PRKCA: variants seen among roughly 807,000 people sequenced by gnomAD.
The protein encoded by PRKCA is protein kinase C alpha type.
Under a neutral mutation model 87.0 loss-of-function variants are expected in PRKCA, and 27 were observed. The observed-to-expected ratio is 0.31, with a 90% CI of 0.23 to 0.43. The LOEUF (loss-of-function observed/expected upper bound fraction) is 0.43, where lower values mean the gene tolerates loss of function less well. Ranked by LOEUF, PRKCA falls within the 20% of genes least tolerant of loss-of-function variation. The pLI is 1.00. For synonymous variants in PRKCA, 329 were observed against 311.1 expected (o/e 1.06, Z -0.61); for missense variants, 518 against 852.3 (o/e 0.61, Z 4.88).
intron 3 of PRKCA, among the ~76,000 whole-genome samples, chr17:66,587,793 A>G (rs1288668270): frequency 7.6e-6 from 1 of 132,158 alleles, no homozygotes; most frequent in Non-Finnish European, 1.6e-5. Flanking sequence ...ATGTATACAT[A>G]TATACGTATA....
chr17:66,687,161 C>T lies in PRKCA; in HGVS notation c.580C>T (p.Pro194Ser). The T allele has an allele frequency of 6.2e-7, 1 of 1,613,576 alleles. No individual in the cohort carries two copies. Among genetic ancestry groups the T allele is most frequent in the Non-Finnish European group, 8.5e-7 (1 of 1,179,552 alleles). ...IPMDPNGLSD[P>S]YVKLKLIPDP... The stretch of plus-strand genomic sequence containing the variant: ...TATGGATCCAAACGGGCTTTCAGAT[C>T]CTTATGTGAAGCTGAAACTTATTCC... Residue 194 changes from proline to serine, a missense_variant, in exon 6 of 17, where the codon CCT becomes TCT. Transcript: ENST00000413366.
chr17:66,771,211 G>C (rs1974926942), intron 13 of PRKCA, among the ~76,000 whole-genome samples: 1 of 152,012 alleles, frequency 6.6e-6, no homozygotes, highest in African/African-American at 2.4e-5. Flanking sequence ...CACCATGTTG[G>C]CCAGGCTGGC....
intron 8 of PRKCA, among the ~76,000 whole-genome samples, chr17:66,724,230 A>T (rs1170968704): frequency 6.6e-6 from 1 of 151,130 alleles, no homozygotes; most frequent in Non-Finnish European, 1.5e-5. Flanking sequence ...CGGGAGGTGG[A>T]GGTTGCAGTG....
chr17:66,723,064 C>A (rs998578329), intron 8 of PRKCA, among the ~76,000 whole-genome samples: 1 of 152,240 alleles, frequency 6.6e-6, no homozygotes, highest in African/African-American at 2.4e-5. Flanking sequence ...TCCTGCCCCC[C>A]TTAGGAGGGT....
chr17:66,791,722 G>A (rs1036337428), intron 16 of PRKCA, among the ~76,000 whole-genome samples: 2 of 152,196 alleles, frequency 1.3e-5, no homozygotes, highest in Admixed American at 6.5e-5. Context: ...GAGACACCAC[G>A]CCAAGAGCCA....
intron 2 of PRKCA, among the ~76,000 whole-genome samples, chr17:66,459,473 C>T (rs1852518048): frequency 6.6e-6 from 1 of 152,206 alleles, no homozygotes; most frequent in African/African-American, 2.4e-5. Context: ...AGTAGAATCC[C>T]TCAGAAATAT....
chr17:66,430,254 T>TG (rs764834811), intron 2 of PRKCA, among the ~76,000 whole-genome samples: 8 of 151,958 alleles, frequency 5.3e-5, no homozygotes, highest in Non-Finnish European at 8.8e-5. Context: ...CTCTAGGCTC[T>TG]GGGGGGCAAC....
intron 3 of PRKCA, among the ~76,000 whole-genome samples, chr17:66,626,492 G>A (rs1195321929): frequency 6.6e-6 from 1 of 151,244 alleles, no homozygotes. Context: ...CTCCCGAGTA[G>A]CTGGGACTAC....
At chr17:66,482,510 A>G (rs1395343958) in intron 2 of PRKCA, among the ~76,000 whole-genome samples, 2 of 152,230 alleles carry the variant, frequency 1.3e-5, no homozygotes, top group African/African-American at 4.8e-5. Context: ...CTTCACAAAA[A>G]GGAATGCTAC....
intron 2 of PRKCA, among the ~76,000 whole-genome samples, chr17:66,473,312 T>G (rs1212586188): frequency 2.0e-5 from 3 of 152,148 alleles, no homozygotes; most frequent in South Asian, 4.1e-4. Flanking sequence ...GCTTACCCCT[T>G]CACATGCATG....
intron 2 of PRKCA, among the ~76,000 whole-genome samples, chr17:66,380,553 A>G (rs1909722017): frequency 1.3e-5 from 2 of 152,234 alleles, no homozygotes; most frequent in Admixed American, 6.5e-5. Flanking sequence ...CACCAGCATA[A>G]TCAGTACTTC....
At chr17:66,739,460 T>C (rs894338221) in intron 11 of PRKCA, among the ~76,000 whole-genome samples, 2 of 152,222 alleles carry the variant, frequency 1.3e-5, no homozygotes, top group African/African-American at 4.8e-5. Flanking sequence ...CACCAGGCAC[T>C]GGGGTTGCGA....
At chr17:66,520,053 C>T (rs1391826470) in intron 3 of PRKCA, among the ~76,000 whole-genome samples, 1 of 151,512 alleles carries the variant, frequency 6.6e-6, no homozygotes, top group Admixed American at 6.6e-5. Flanking sequence ...GTTTGTTTGT[C>T]TGTTTTGGCT....
intron 16 of PRKCA, among the ~76,000 whole-genome samples, chr17:66,802,660 G>T (rs761753634): frequency 1.3e-5 from 2 of 152,130 alleles, no homozygotes; most frequent in Non-Finnish European, 2.9e-5. Context: ...CTCTCGCCTC[G>T]GCTGGGTTCT....
chr17:66,742,863 G>A, intron 13 of PRKCA, 103 bp downstream of exon 13: 1 of 1,328,162 alleles, frequency 7.5e-7, no homozygotes, highest in Non-Finnish European at 1.0e-6. Context: ...GTCAGTGCAT[G>A]GTCACAGCCA....
intron 13 of PRKCA, among the ~76,000 whole-genome samples, chr17:66,747,448 C>T (rs1974320217): frequency 6.6e-6 from 1 of 152,182 alleles, no homozygotes; most frequent in Admixed American, 6.5e-5. Flanking sequence ...CGTTAGACCA[C>T]ACACAAAGGA....
chr17:66,447,512 C>T (rs561542859), intron 2 of PRKCA, among the ~76,000 whole-genome samples: 9 of 152,230 alleles, frequency 5.9e-5, no homozygotes, highest in South Asian at 2.1e-4. Flanking sequence ...TGTGGGATGG[C>T]GTTTTCTTGC....
intron 16 of PRKCA, among the ~76,000 whole-genome samples, chr17:66,800,322 C>T (rs1438662029): frequency 6.6e-6 from 1 of 152,240 alleles, no homozygotes; most frequent in Admixed American, 6.5e-5. Flanking sequence ...AGTGTGACTG[C>T]AGGGCAGCAA....
chr17:66,323,793 A>C (rs1217759537), intron 2 of PRKCA, among the ~76,000 whole-genome samples: 1 of 152,118 alleles, frequency 6.6e-6, no homozygotes, highest in African/African-American at 2.4e-5. Flanking sequence ...TTCAAAAATT[A>C]GCTGGGTGTG....
Sources: gnomAD v4.1 joint callset for allele counts (sites outside exome capture counted in the v4.1 genomes callset) on GRCh38, gnomAD v4.1.1 for gene constraint, MANE v1.5 for transcripts, NCBI Gene and HGNC (gene_info 2026-07-23, HGNC 2026-07-21) for gene names.